COX11: variants seen among roughly 807,000 people sequenced by gnomAD.
The protein encoded by COX11 is cytochrome c oxidase copper chaperone COX11, also known as cytochrome c oxidase assembly protein COX11, mitochondrial.
A neutral mutation model predicts 29.4 loss-of-function variants in COX11; 18 were observed. The observed-to-expected ratio is 0.61, with a 90% CI of 0.42 to 0.91. The LOEUF (loss-of-function observed/expected upper bound fraction) is 0.91. Among genes scored for constraint, COX11 ranks in the 40% least tolerant of loss-of-function variants. The pLI is 0.00. For synonymous variants in COX11, 131 were observed against 124.0 expected, an observed-to-expected ratio of 1.06 and a Z score of -0.38; for missense variants, 312 against 346.0, an observed-to-expected ratio of 0.90 and a Z score of 0.78.
downstream of COX11, among the ~76,000 whole-genome samples, chr17:54,960,039 T>C (rs1359550196): frequency 6.6e-6 from 1 of 152,166 alleles, no homozygotes; most frequent in African/African-American, 2.4e-5. Context: ...ATTGGTTCTA[T>C]GAAATACATA....
chr17:54,956,801 A>G (rs556385954), downstream of COX11: 4 of 152,302 alleles, frequency 2.6e-5, no homozygotes, highest in African/African-American at 9.6e-5. Context: ...AGCACCGGGC[A>G]TAGTCTCCAA....
intron 2 of COX11, 163 bp downstream of exon 2, chr17:54,964,528 ATACTTT>A: frequency 1.5e-6 from 1 of 667,666 alleles, no homozygotes; most frequent in South Asian, 1.9e-5. Context: ...AACAGAATTT[ATACTTT>A]AACTTTTAAG....
intron 1 of COX11, among the ~76,000 whole-genome samples, chr17:54,965,129 A>G (rs1005040062): frequency 1.3e-5 from 2 of 152,240 alleles, no homozygotes; most frequent in Admixed American, 6.5e-5. Flanking sequence ...AGATAAGTCA[A>G]CTATTATCAC....
At chr17:54,966,932 T>C (rs1218107945) in intron 1 of COX11, among the ~76,000 whole-genome samples, 1 of 152,118 alleles carries the variant, frequency 6.6e-6, no homozygotes, top group African/African-American at 2.4e-5. Context: ...TCCCAGCACT[T>C]TGGGAGGCCA....
At chr17:54,964,458 A>G in intron 2 of COX11, 1 of 459,006 alleles carries the variant, frequency 2.2e-6, no homozygotes, top group South Asian at 2.5e-5. Flanking sequence ...GACGGGTTCC[A>G]TTACTATAAA....
rs2077163074 is a variant in COX11 at position 54,963,295 on chromosome 17, C to T, written c.648+11G>A. On this transcript the variant is annotated intron_variant, in intron 3 of 3. Transcript: ENST00000299335. ...TTTATCATATTCTGTAAAGTTTACA[C>T]TTTGATGTACCTGTATTTTATTGAA... 1.2e-6 allele frequency: 2 copies of T among 1,606,980 alleles called. No homozygotes were observed. Among genetic ancestry groups the T allele is most frequent in the South Asian group, 1.1e-5 (1 of 89,740 alleles).
intron 1 of COX11, 118 bp downstream of exon 1, chr17:54,968,163 A>G (rs189724979): frequency 8.2e-5 from 119 of 1,454,264 alleles, no homozygotes; most frequent in Non-Finnish European, 1.1e-4. Context: ...CCTCTTAGGT[A>G]GATAATATCG....
intron 1 of COX11, among the ~76,000 whole-genome samples, chr17:54,965,408 CTT>C (rs1407033804): frequency 1.3e-5 from 2 of 152,186 alleles, no homozygotes; most frequent in African/African-American, 4.8e-5. Flanking sequence ...GGTTTTGAAT[CTT>C]TTCTGTACTT....
chr17:54,963,277 T>C, intron 3 of COX11, 29 bp downstream of exon 3: 1 of 1,596,370 alleles, frequency 6.3e-7, no homozygotes, highest in East Asian at 2.2e-5. Flanking sequence ...ATCTTTATCA[T>C]ATTCTGTAAA....
exon 1 of COX11, chr17:54,953,755 T>C (rs967906742): frequency 6.6e-6 from 1 of 152,158 alleles, no homozygotes; most frequent in African/African-American, 2.4e-5. Flanking sequence ...CTCTTTACTA[T>C]AGACCTTAAA....
downstream of COX11, among the ~76,000 whole-genome samples, chr17:54,955,576 AGT>A (rs2049458616): frequency 6.6e-6 from 1 of 152,212 alleles, no homozygotes; most frequent in African/African-American, 2.4e-5. Flanking sequence ...GCCACAGACA[AGT>A]AAGAATATTG....
chr17:54,958,748 A>AAAAAAAAAAAAG (rs372776781), downstream of COX11, among the ~76,000 whole-genome samples: 1,014 of 118,728 alleles, frequency 8.5e-3, 28 homozygotes, highest in Middle Eastern at 0.018. Flanking sequence ...AAAAAAAAAA[A>AAAAAAAAAAAAG]GGGGTTGTTG....
At chr17:54,968,659 T>TAAC (rs749465221), upstream of COX11, 2 of 1,595,458 alleles carry the variant, frequency 1.3e-6, no homozygotes, top group East Asian at 2.2e-5. Context: ...CCCTCTGAAC[T>TAAC]AACACCCACC....
In COX11 at chr17:54,968,466, G is replaced by A. The variant is rs752464148; in HGVS notation, c.181C>T (p.Leu61Phe). The A allele has an allele frequency of 5.6e-6, 9 of 1,613,460 alleles. No homozygotes were observed. The East Asian group carries it at 2.0e-4, about 36-fold the overall frequency. Reference sequence around the variant, plus strand: ...TGCAATGCTGGATGCCGGGCTCGAAGGCTGCAGCGCTTCCATGTCCCAAGC... The same window carrying A: ...TGCAATGCTGGATGCCGGGCTCGAAAGCTGCAGCGCTTCCATGTCCCAAGC... ...RWLGTWKRCS[L>F]RARHPALQPP... Residue 61 changes from leucine to phenylalanine, a missense_variant, in exon 1 of 4, where the codon CTT becomes TTT. Around this residue, in one of 2 missense-constraint regions of COX11, gnomAD observed 130 missense variants for 106.0 expected, o/e 1.23. Coordinates refer to ENST00000299335, the MANE Select transcript of COX11 (RefSeq NM_004375.5).
intron 1 of COX11, 82 bp from the exon 2 acceptor site, chr17:54,964,934 T>G: frequency 1.5e-6 from 2 of 1,368,328 alleles, no homozygotes; most frequent in Non-Finnish European, 2.0e-6. Context: ...AAAAACAATG[T>G]AGTATTTATA....
chr17:54,966,803 C>A (rs1441325279), intron 1 of COX11, among the ~76,000 whole-genome samples: 1 of 152,142 alleles, frequency 6.6e-6, no homozygotes, highest in East Asian at 1.9e-4. Context: ...TTGCACATTC[C>A]CACATAAATG....
At chr17:54,965,602 G>T (rs914981093) in intron 1 of COX11, among the ~76,000 whole-genome samples, 1 of 152,114 alleles carries the variant, frequency 6.6e-6, no homozygotes, top group Non-Finnish European at 1.5e-5. Context: ...GCCACGGGGG[G>T]CGGATCATGA....
Position 54,960,597 on chromosome 17 carries a change from C to T in COX11, c.*2136G>A. The T allele has an allele frequency of 6.2e-7, 1 of 1,613,024 alleles. No homozygotes were observed. The highest frequency in any genetic ancestry group is 8.5e-7 in the Non-Finnish European group (1 of 1,179,480). ...TTATGAAGAAATTGATGCTCACCAG[C>T]ACAAAGGAGCTCAAAATGATGGTGA... is the stretch of plus-strand genomic sequence containing the variant. On this transcript the variant is annotated 3_prime_UTR_variant, in exon 4 of 4. Transcript: ENST00000299335.
chr17:54,956,525 C>A (rs991270227), downstream of COX11, among the ~76,000 whole-genome samples: 1 of 152,128 alleles, frequency 6.6e-6, no homozygotes, highest in East Asian at 1.9e-4. Flanking sequence ...CCAGGCTGGT[C>A]TCGAACTCTT....
Sources: gnomAD v4.1 joint callset for allele counts (sites outside exome capture counted in the v4.1 genomes callset) on GRCh38, gnomAD v4.1.1 for gene constraint, gnomAD v4.1.1 regional missense constraint, MANE v1.5 for transcripts, NCBI Gene and HGNC (gene_info 2026-07-23, HGNC 2026-07-21) for gene names.